PDE6D: variants seen among roughly 807,000 people sequenced by gnomAD.
PDE6D encodes phosphodiesterase 6D.
A neutral mutation model predicts 21.9 loss-of-function variants in PDE6D; 10 were observed. That is an observed-to-expected ratio of 0.46 (90% CI 0.28 to 0.78). The LOEUF (loss-of-function observed/expected upper bound fraction) is 0.78. Among genes scored for constraint, PDE6D ranks in the 30% least tolerant of loss-of-function variants. PDE6D has a pLI of 0.12. For missense variants in PDE6D, 139 were observed against 184.8 expected (o/e 0.75, Z 1.44); for synonymous variants, 59 against 63.5 (o/e 0.93, Z 0.34).
intron 1 of PDE6D, chr2:231,779,548 T>C (rs2049084929): frequency 6.6e-6 from 1 of 152,258 alleles, no homozygotes; most frequent in Non-Finnish European, 1.5e-5. Context: ...TAGATGTTAA[T>C]AGTATAAATT....
intron 1 of PDE6D, among the ~76,000 whole-genome samples, chr2:231,780,624 T>C (rs947526584): frequency 1.3e-5 from 2 of 152,064 alleles, no homozygotes; most frequent in Non-Finnish European, 2.9e-5. Context: ...AAGTCACTGT[T>C]CCCCGCTCCC....
rs140646792 is a variant in PDE6D at position 231,751,132 on chromosome 2, T to A, written c.51-11944A>T. Among the ~76,000 whole-genome samples, 498 of 151,308 alleles carry A rather than the reference T, an allele frequency of 3.3e-3. 11 individuals are homozygous for A. The East Asian group carries it at 0.046, about 14-fold the overall frequency. Reference sequence around the variant, plus strand: ...TTATTCTATTCTAGTCTTTTTTTTTTAAAAATAAACATTTATTTTAGAATA... The same window carrying A: ...TTATTCTATTCTAGTCTTTTTTTTTAAAAAATAAACATTTATTTTAGAATA... On this transcript the variant is annotated intron_variant, in intron 1 of 4. Transcript: ENST00000287600.
chr2:231,741,494 A>G (rs971054872), intron 1 of PDE6D, among the ~76,000 whole-genome samples: 1 of 152,246 alleles, frequency 6.6e-6, no homozygotes, highest in Non-Finnish European at 1.5e-5. Flanking sequence ...AGTGACAGTG[A>G]AGGAAGATCC....
At chr2:231,752,062 A>C (rs2048844070) in intron 1 of PDE6D, among the ~76,000 whole-genome samples, 1 of 152,176 alleles carries the variant, frequency 6.6e-6, no homozygotes, top group Non-Finnish European at 1.5e-5. Context: ...TTTTTAATCA[A>C]ATGACTGTGC....
intron 1 of PDE6D, among the ~76,000 whole-genome samples, chr2:231,754,523 ATT>A (rs34036079): frequency 1.5e-4 from 19 of 128,932 alleles, no homozygotes; most frequent in Admixed American, 2.3e-4. Context: ...TGCCTGGCTA[ATT>A]TTTTTTTTTT....
intron 4 of PDE6D, among the ~76,000 whole-genome samples, chr2:231,734,087 G>A (rs187353010): frequency 2.9e-4 from 44 of 151,976 alleles, no homozygotes; most frequent in Admixed American, 6.6e-4. Context: ...GGTGGCGGGC[G>A]CCTATAGTCC....
chr2:231,780,667 C>T (rs1163198258), intron 1 of PDE6D, among the ~76,000 whole-genome samples: 1 of 152,168 alleles, frequency 6.6e-6, no homozygotes, highest in African/African-American at 2.4e-5. Flanking sequence ...GGCTTCTAGG[C>T]TTCGAGATCA....
At chr2:231,763,064 C>CTA (rs758988188) in intron 1 of PDE6D, among the ~76,000 whole-genome samples, 2 of 152,146 alleles carry the variant, frequency 1.3e-5, no homozygotes, top group Non-Finnish European at 2.9e-5. Context: ...ATCCTAGCTA[C>CTA]TATAGATCTG....
intron 1 of PDE6D, among the ~76,000 whole-genome samples, chr2:231,777,191 G>A (rs1413011055): frequency 7.9e-5 from 12 of 152,210 alleles, no homozygotes; most frequent in Non-Finnish European, 1.6e-4. Context: ...AAGAGGTAGG[G>A]TGAGATGGGG....
At chr2:231,752,778 A>ATC (rs1303429261) in intron 1 of PDE6D, among the ~76,000 whole-genome samples, 1 of 149,438 alleles carries the variant, frequency 6.7e-6, no homozygotes, top group East Asian at 1.9e-4. Flanking sequence ...TTATATATAT[A>ATC]TTAAATATTA....
rs564102212 is a variant in PDE6D, at chr2:231,741,063, G to A, written c.51-1875C>T. Reference sequence around the variant, plus strand: ...TGAGGCAGGAGAATCACTTGAACCCGGGAGATTGCGCCATTGCACTCCAGC... The same window carrying A: ...TGAGGCAGGAGAATCACTTGAACCCAGGAGATTGCGCCATTGCACTCCAGC... On this transcript the variant is annotated intron_variant, in intron 1 of 4. Coordinates refer to ENST00000287600, the MANE Select transcript of PDE6D (RefSeq NM_002601.4). Among the ~76,000 whole-genome samples the A allele has an allele frequency of 1.4e-5, 2 of 144,860 alleles. 1 individual carries two copies. The highest frequency in any genetic ancestry group is 1.4e-4 in the Admixed American group (2 of 14,032).
At chr2:231,767,325 GT>G (rs1187982745) in intron 1 of PDE6D, among the ~76,000 whole-genome samples, 49 of 145,756 alleles carry the variant, frequency 3.4e-4, no homozygotes, top group Admixed American at 3.4e-4. Flanking sequence ...CATTATCCTT[GT>G]TTTTTTTTTT....
At chr2:231,735,720 A>G (rs1488866752) in intron 4 of PDE6D, among the ~76,000 whole-genome samples, 3 of 145,096 alleles carry the variant, frequency 2.1e-5, no homozygotes, top group Non-Finnish European at 3.1e-5. Flanking sequence ...TGTTAAAAAA[A>G]CTATTAAAAA....
At chr2:231,764,787 A>C (rs191644270) in intron 1 of PDE6D, among the ~76,000 whole-genome samples, 48 of 152,340 alleles carry the variant, frequency 3.2e-4, no homozygotes, top group Non-Finnish European at 5.4e-4. Context: ...TGAATATATT[A>C]GTTTGCAAGT....
intron 1 of PDE6D, among the ~76,000 whole-genome samples, chr2:231,776,294 C>T (rs546663415): frequency 4.0e-5 from 5 of 124,168 alleles, no homozygotes; most frequent in African/African-American, 9.2e-5. Flanking sequence ...GCACTCCAGC[C>T]GGGGTGACAA....
At chr2:231,750,084 G>T (rs1362324213) in intron 1 of PDE6D, among the ~76,000 whole-genome samples, 1 of 152,076 alleles carries the variant, frequency 6.6e-6, no homozygotes, top group African/African-American at 2.4e-5. Flanking sequence ...GGTCATTCTC[G>T]TGCTATTCTT....
At chr2:231,754,481 T>C (rs759296245) in intron 1 of PDE6D, among the ~76,000 whole-genome samples, 9 of 150,938 alleles carry the variant, frequency 6.0e-5, no homozygotes, top group Middle Eastern at 3.4e-3. Flanking sequence ...CTCAGCCTCC[T>C]GAGTAGCTGG....
chr2:231,745,973 T>C (rs2048790681), intron 1 of PDE6D, among the ~76,000 whole-genome samples: 1 of 152,110 alleles, frequency 6.6e-6, no homozygotes, highest in Admixed American at 6.6e-5. Flanking sequence ...CCTTGAGAGA[T>C]GTGAAAGTAG....
intron 4 of PDE6D, 62 bp downstream of exon 4, chr2:231,737,125 C>T (rs1399884187): frequency 3.2e-6 from 3 of 932,200 alleles, no homozygotes; most frequent in Non-Finnish European, 5.2e-6. Context: ...CCAGGAGTCC[C>T]ACCTGCCTGG....
Sources: allele counts gnomAD v4.1 joint callset (sites outside exome capture counted in the v4.1 genomes callset), GRCh38; gene constraint gnomAD v4.1.1; transcripts MANE v1.5; gene names NCBI Gene and HGNC (gene_info 2026-07-23, HGNC 2026-07-21).